The following MYO1B variants were observed in gnomAD, a reference collection of about 807,000 sequenced individuals.
MYO1B encodes myosin IB, also known as unconventional myosin-Ib.
Under a neutral mutation model 159.7 loss-of-function variants are expected in MYO1B, and 72 were observed. That is an observed-to-expected ratio of 0.45 (90% CI 0.37 to 0.55). The LOEUF is 0.55. Ranked by LOEUF, MYO1B falls within the 20% of genes least tolerant of loss-of-function variation. The pLI, the probability that MYO1B is intolerant of heterozygous loss-of-function variation, is 0.00. For synonymous variants in MYO1B, 468 were observed against 473.8 expected (o/e 0.99, Z 0.16); for missense variants, 1,062 against 1,364.8 (o/e 0.78, Z 3.50).
intron 1 of MYO1B, among the ~76,000 whole-genome samples, chr2:191,264,823 C>T (rs1236797317): frequency 6.6e-6 from 1 of 151,314 alleles, no homozygotes; most frequent in Non-Finnish European, 1.5e-5. Context: ...TGAGCAAACT[C>T]AGTCTTTCCA....
At chr2:191,304,639 C>G (rs978335559) in intron 3 of MYO1B, among the ~76,000 whole-genome samples, 1 of 152,136 alleles carries the variant, frequency 6.6e-6, no homozygotes, top group African/African-American at 2.4e-5. Flanking sequence ...AGAAAGAGAC[C>G]TCAGCTAATT....
At chr2:191,249,257 A>G (rs995555287) in intron 1 of MYO1B, among the ~76,000 whole-genome samples, 11 of 152,226 alleles carry the variant, frequency 7.2e-5, no homozygotes, top group African/African-American at 2.7e-4. Flanking sequence ...ATGTGCTTAT[A>G]AAGAGGAAGT....
intron 24 of MYO1B, 82 bp from the exon 25 acceptor site, chr2:191,408,033 T>C (rs1697034296): frequency 1.2e-6 from 1 of 864,494 alleles, no homozygotes; most frequent in Non-Finnish European, 1.8e-6. Context: ...TTTGACATTT[T>C]TTCATTTTTA....
intron 24 of MYO1B, 102 bp downstream of exon 24, chr2:191,402,820 C>T (rs1696694906): frequency 1.2e-6 from 1 of 867,854 alleles, no homozygotes; most frequent in African/African-American, 1.7e-5. Context: ...ATGGTCTGCA[C>T]AGTCTTGTAG....
intron 2 of MYO1B, among the ~76,000 whole-genome samples, chr2:191,293,043 C>G (rs1385710414): frequency 6.6e-6 from 1 of 152,216 alleles, no homozygotes; most frequent in African/African-American, 2.4e-5. Flanking sequence ...TAGCTCTCCA[C>G]AGGACCTCTC....
At chr2:191,392,054 TA>T in intron 18 of MYO1B, 53 bp from the exon 19 acceptor site, 15 of 1,377,906 alleles carry the variant, frequency 1.1e-5, no homozygotes, top group Non-Finnish European at 1.3e-5. Flanking sequence ...TGATAGAAGA[TA>T]AAACTATTTT....
At chr2:191,284,573 C>T (rs981424828) in intron 2 of MYO1B, among the ~76,000 whole-genome samples, 70 of 152,122 alleles carry the variant, frequency 4.6e-4, no homozygotes, top group African/African-American at 1.6e-3. Flanking sequence ...ATGGTAGGTG[C>T]CCCGACTGTC....
intron 1 of MYO1B, among the ~76,000 whole-genome samples, chr2:191,256,157 A>T (rs1352587149): frequency 2.0e-5 from 3 of 152,188 alleles, no homozygotes; most frequent in Non-Finnish European, 4.4e-5. Flanking sequence ...CTTAGTTGAG[A>T]TAAGTCCTCT....
At chr2:191,319,542 G>A (rs919675434) in intron 3 of MYO1B, among the ~76,000 whole-genome samples, 1 of 152,138 alleles carries the variant, frequency 6.6e-6, no homozygotes, top group Non-Finnish European at 1.5e-5. Context: ...TCTAGAGGAA[G>A]GGTTTCCACA....
intron 4 of MYO1B, among the ~76,000 whole-genome samples, chr2:191,331,375 A>G (rs1691463482): frequency 6.6e-6 from 1 of 152,146 alleles, no homozygotes; most frequent in African/African-American, 2.4e-5. Flanking sequence ...ACCACTTTGA[A>G]TGGCACCCCC....
intron 3 of MYO1B, among the ~76,000 whole-genome samples, chr2:191,298,199 A>G (rs868274825): frequency 6.6e-6 from 1 of 152,246 alleles, no homozygotes; most frequent in Non-Finnish European, 1.5e-5. Context: ...TAAATGTATG[A>G]AAATGGTTAT....
chr2:191,373,016 T>C (rs982498033), intron 13 of MYO1B, among the ~76,000 whole-genome samples: 2 of 147,814 alleles, frequency 1.4e-5, no homozygotes, highest in African/African-American at 4.9e-5. Context: ...CACGCCCAGC[T>C]AATTTTTGTA....
intron 1 of MYO1B, among the ~76,000 whole-genome samples, chr2:191,255,527 C>T (rs1489878342): frequency 6.6e-6 from 1 of 152,158 alleles, no homozygotes; most frequent in Admixed American, 6.5e-5. Context: ...AAAAGAGGCT[C>T]AGAAGCCCCA....
At chr2:191,306,301 C>G (rs1198847145) in intron 3 of MYO1B, among the ~76,000 whole-genome samples, 3 of 152,034 alleles carry the variant, frequency 2.0e-5, no homozygotes, top group Non-Finnish European at 4.4e-5. Context: ...ACAGCAGATG[C>G]AAAGGTCTGA....
At position 191,385,944 on chromosome 2, in the gene MYO1B, G is replaced by A. The variant is rs138009851; in HGVS notation, c.1414G>A (p.Asp472Asn). The A allele has an allele frequency of 1.2e-6, 2 of 1,614,172 alleles. No individual in the cohort carries two copies. The highest frequency in any genetic ancestry group is 1.7e-6 in the Non-Finnish European group (2 of 1,180,006). The change falls in exon 16 of 31, where the codon GAT becomes AAT. Residue 472 changes from aspartate to asparagine, a missense_variant. Coordinates refer to ENST00000392318, the MANE Select transcript of MYO1B (RefSeq NM_001130158.3). ...EECLRPGTVTDETFLEKLNQV... is the reference protein window; with the variant it reads ...EECLRPGTVTNETFLEKLNQV... ...GTGCCTCAGACCTGGCACAGTCACTGATGAGACCTTCTTAGAAAAGCTGAA... is the reference window on the plus strand; with the variant it reads ...GTGCCTCAGACCTGGCACAGTCACTAATGAGACCTTCTTAGAAAAGCTGAA...
Position 191,385,986 on chromosome 2 carries a change from C to T in MYO1B, c.1456C>T (p.His486Tyr), listed in dbSNP as rs751800512. Residue 486 changes from histidine to tyrosine, a missense_variant, in exon 16 of 31, where the codon CAC becomes TAC. By Grantham distance (83) the His-to-Tyr change is moderately conservative. This residue lies in a region of MYO1B where 26 missense variants were observed against 26.9 expected (regional missense o/e 0.97). Coordinates refer to ENST00000392318, the MANE Select transcript of MYO1B (RefSeq NM_001130158.3). ...LEKLNQVCATHQHFESRMSKC... is the reference protein window; with the variant it reads ...LEKLNQVCATYQHFESRMSKC... ...AAAGCTGAACCAAGTATGTGCCACCCACCAGCATTTTGAGAGCAGGATGAG... is the reference window on the plus strand; with the variant it reads ...AAAGCTGAACCAAGTATGTGCCACCTACCAGCATTTTGAGAGCAGGATGAG... 2.5e-5 allele frequency: 40 copies of T among 1,614,002 alleles called. No individual in the cohort carries two copies. The highest frequency in any genetic ancestry group is 3.2e-5 in the Non-Finnish European group (38 of 1,180,006).
rs576285473 is a variant in MYO1B, at chr2:191,332,724, G to C, written c.346+2695G>C. ...ATACAGTGAATAAGTGGCAGAGCTG[G>C]GATTTTGAATGCAGGTAGTGTAGTT... On this transcript the variant is annotated intron_variant, in intron 4 of 30. Coordinates refer to ENST00000392318, the MANE Select transcript of MYO1B (RefSeq NM_001130158.3). Among the ~76,000 whole-genome samples, 486 of 152,282 alleles carry C rather than the reference G, an allele frequency of 3.2e-3. 2 individuals carry two copies. The highest frequency in any genetic ancestry group is 5.6e-3 in the Non-Finnish European group (378 of 68,020).
At chr2:191,347,103 T>C (rs1456285290) in intron 6 of MYO1B, among the ~76,000 whole-genome samples, 1 of 152,226 alleles carries the variant, frequency 6.6e-6, no homozygotes, top group Non-Finnish European at 1.5e-5. Context: ...CCAGGGACAA[T>C]TTTGATGATC....
chr2:191,345,581 A>G (rs1337536453), intron 5 of MYO1B, among the ~76,000 whole-genome samples: 1 of 152,162 alleles, frequency 6.6e-6, no homozygotes, highest in Non-Finnish European at 1.5e-5. Flanking sequence ...AGATTGGAAC[A>G]TTTGTATTTT....
Sources: allele counts gnomAD v4.1 joint callset (sites outside exome capture counted in the v4.1 genomes callset), GRCh38; gene constraint gnomAD v4.1.1; regional missense constraint gnomAD v4.1.1; transcripts MANE v1.5; gene names NCBI Gene and HGNC (gene_info 2026-07-23, HGNC 2026-07-21).